CNTN3: variants seen among roughly 807,000 people sequenced by gnomAD.
CNTN3 encodes the protein contactin 3.
A neutral mutation model predicts 119.1 loss-of-function variants in CNTN3; 60 were observed. The ratio of observed to expected loss-of-function variants is 0.50; its 90% CI spans 0.41 to 0.62. The LOEUF is 0.62. CNTN3 is among the 20% of genes least tolerant of loss of function. CNTN3 has a pLI of 0.00. For synonymous variants in CNTN3, 450 were observed against 438.7 expected, an observed-to-expected ratio of 1.03 and a Z score of -0.32; for missense variants, 1,101 against 1,242.4, an observed-to-expected ratio of 0.89 and a Z score of 1.71.
chr3:74,337,765 T>C (rs1703432921), intron 11 of CNTN3, among the ~76,000 whole-genome samples: 2 of 151,964 alleles, frequency 1.3e-5, no homozygotes, highest in Admixed American at 1.3e-4. Flanking sequence ...CCAAACCATA[T>C]CAACAACAAA....
chr3:74,471,816 TTA>T (rs1160652033), intron 4 of CNTN3, among the ~76,000 whole-genome samples: 1 of 152,164 alleles, frequency 6.6e-6, no homozygotes, highest in Non-Finnish European at 1.5e-5. Context: ...GTGTTTTCCT[TTA>T]TAGTTATCTG....
At chr3:74,337,262 T>G (rs1703418360) in intron 11 of CNTN3, among the ~76,000 whole-genome samples, 1 of 152,112 alleles carries the variant, frequency 6.6e-6, no homozygotes, top group African/African-American at 2.4e-5. Flanking sequence ...TACTCAAAGC[T>G]TTGGCATCTG....
At chr3:74,603,681 T>C (rs1305343188) in intron 1 of CNTN3, among the ~76,000 whole-genome samples, 1 of 152,052 alleles carries the variant, frequency 6.6e-6, no homozygotes, top group African/African-American at 2.4e-5. Flanking sequence ...TACAAATAAA[T>C]GGAAAGATAT....
intron 5 of CNTN3, among the ~76,000 whole-genome samples, chr3:74,376,538 G>T (rs1188664020): frequency 6.6e-6 from 1 of 152,060 alleles, no homozygotes; most frequent in East Asian, 1.9e-4. Context: ...CCCTAGATGG[G>T]GCCATCCAGT....
chr3:74,564,938 C>G (rs143696917), intron 1 of CNTN3, among the ~76,000 whole-genome samples: 1 of 152,072 alleles, frequency 6.6e-6, no homozygotes, highest in Non-Finnish European at 1.5e-5. Flanking sequence ...ATTTCTTTCT[C>G]TCTACTTAAC....
intron 19 of CNTN3, among the ~76,000 whole-genome samples, chr3:74,293,052 T>A (rs1010460953): frequency 1.3e-5 from 2 of 152,242 alleles, no homozygotes; most frequent in Admixed American, 1.3e-4. Context: ...GACTATTCTG[T>A]CTCTGATCAG....
intron 5 of CNTN3, among the ~76,000 whole-genome samples, chr3:74,408,504 G>A (rs998666301): frequency 6.6e-6 from 1 of 152,090 alleles, no homozygotes; most frequent in Non-Finnish European, 1.5e-5. Flanking sequence ...AGTTATCCCT[G>A]TCTTTAGAGG....
intron 1 of CNTN3, among the ~76,000 whole-genome samples, chr3:74,578,650 A>C (rs1032031534): frequency 2.6e-5 from 4 of 152,050 alleles, no homozygotes; most frequent in Non-Finnish European, 4.4e-5. Flanking sequence ...AACTTTCTGC[A>C]TTTCCATGTC....
At chr3:74,459,596 T>C (rs188935931) in intron 4 of CNTN3, among the ~76,000 whole-genome samples, 3 of 152,142 alleles carry the variant, frequency 2.0e-5, no homozygotes, top group Admixed American at 1.3e-4. Context: ...GCATGTCCTA[T>C]GCTTGCTGAG....
At chr3:74,538,367 G>T (rs1464256953) in intron 1 of CNTN3, among the ~76,000 whole-genome samples, 1 of 152,104 alleles carries the variant, frequency 6.6e-6, no homozygotes, top group Non-Finnish European at 1.5e-5. Flanking sequence ...GAGTGATCAA[G>T]GTTTTATCAC....
chr3:74,547,546 C>T (rs971810502), intron 1 of CNTN3, among the ~76,000 whole-genome samples: 44 of 152,234 alleles, frequency 2.9e-4, no homozygotes, highest in African/African-American at 8.7e-4. Context: ...TTTACTTTTG[C>T]TATGACCATC....
At chr3:74,386,572 C>T (rs1704749637) in intron 5 of CNTN3, among the ~76,000 whole-genome samples, 1 of 152,114 alleles carries the variant, frequency 6.6e-6, no homozygotes, top group African/African-American at 2.4e-5. Flanking sequence ...AACACATACA[C>T]AGAAAACAAA....
At chr3:74,323,721 G>T (rs1322440019) in intron 13 of CNTN3, among the ~76,000 whole-genome samples, 2 of 152,064 alleles carry the variant, frequency 1.3e-5, no homozygotes, top group African/African-American at 4.8e-5. Flanking sequence ...TTTATTTATG[G>T]AATTTATTGC....
At chr3:74,267,193 A>T in intron 21 of CNTN3, 73 bp downstream of exon 21, 2 of 873,562 alleles carry the variant, frequency 2.3e-6, no homozygotes, top group Non-Finnish European at 3.8e-6. Context: ...AGAAAAATTC[A>T]CTTATACCTA....
chr3:74,266,752 C>A, intron 21 of CNTN3, 103 bp from the exon 22 acceptor site: 1 of 957,836 alleles, frequency 1.0e-6, no homozygotes, highest in East Asian at 2.5e-5. Context: ...CTTCTATATC[C>A]ACTAGAATGT....
intron 1 of CNTN3, among the ~76,000 whole-genome samples, chr3:74,597,366 A>G (rs576674939): frequency 2.6e-5 from 4 of 152,134 alleles, no homozygotes; most frequent in Admixed American, 2.6e-4. Flanking sequence ...TTCTAGAACT[A>G]CATGTTATCA....
At chr3:74,309,088 TTTATTTA>T (rs1349770866) in intron 13 of CNTN3, among the ~76,000 whole-genome samples, 3 of 151,978 alleles carry the variant, frequency 2.0e-5, no homozygotes, top group South Asian at 2.1e-4. Flanking sequence ...TAGCCATTTA[TTTATTTA>T]TTATTTATTA....
At chr3:74,319,925 C>T (rs1702942506) in intron 13 of CNTN3, among the ~76,000 whole-genome samples, 1 of 152,076 alleles carries the variant, frequency 6.6e-6, no homozygotes, top group Non-Finnish European at 1.5e-5. Flanking sequence ...AAATGCTCAC[C>T]ATCACTGGCC....
intron 4 of CNTN3, among the ~76,000 whole-genome samples, chr3:74,436,537 C>T (rs141283143): frequency 2.6e-5 from 4 of 151,908 alleles, no homozygotes; most frequent in African/African-American, 9.7e-5. Flanking sequence ...TATTTGCTAA[C>T]AAAACTAATT....
Sources: allele counts gnomAD v4.1 joint callset (sites outside exome capture counted in the v4.1 genomes callset), GRCh38; gene constraint gnomAD v4.1.1; transcripts MANE v1.5; gene names NCBI Gene and HGNC (gene_info 2026-07-23, HGNC 2026-07-21).